The following SPIDR variants were observed in gnomAD, a reference collection of about 807,000 sequenced individuals.
The protein encoded by SPIDR is scaffold protein involved in DNA repair.
Under a neutral mutation model 104.6 loss-of-function variants are expected in SPIDR, and 93 were observed. The ratio of observed to expected loss-of-function variants is 0.89; its 90% CI spans 0.75 to 1.06. The LOEUF is 1.06. Ranked by LOEUF, SPIDR falls within the 50% of genes least tolerant of loss-of-function variation. The probability of loss-of-function intolerance (pLI) is 0.00; values close to 1 mark genes in which losing one functional copy is unlikely to be tolerated. For synonymous variants in SPIDR, 431 were observed against 416.9 expected (o/e 1.03, Z -0.41); for missense variants, 1,154 against 1,111.2 (o/e 1.04, Z -0.55).
At chr8:47,653,864 A>C in intron 10 of SPIDR, 1 of 634,346 alleles carries the variant, frequency 1.6e-6, no homozygotes, top group Non-Finnish European at 2.0e-6. Context: ...AAAGACAAAA[A>C]AAAAACAAAC....
Position 47,295,215 on chromosome 8 carries a change from G to A in SPIDR, c.525+1185G>A, listed in dbSNP as rs927490018. Among the ~76,000 whole-genome samples, 19 of 152,188 alleles carry A rather than the reference G, an allele frequency of 1.2e-4. No individual in the cohort carries two copies. In the East Asian group the frequency reaches 1.9e-3, roughly 15 times the overall value. ...TTCTTCTATATTTTGAACATACAGA[G>A]TATATTTATAATAGCTGTTTTTAAT... On this transcript the variant is annotated intron_variant, in intron 5 of 19. Transcript: ENST00000297423.
At chr8:47,593,663 G>A (rs2061319916) in intron 8 of SPIDR, among the ~76,000 whole-genome samples, 1 of 152,188 alleles carries the variant, frequency 6.6e-6, no homozygotes, top group Non-Finnish European at 1.5e-5. Flanking sequence ...GCTCTGGTAG[G>A]AGAAAGTGAG....
At chr8:47,660,961 T>G in intron 10 of SPIDR, 1 of 985,400 alleles carries the variant, frequency 1.0e-6, no homozygotes, top group Non-Finnish European at 1.2e-6. Flanking sequence ...ATGCAGGCAC[T>G]TAACTGGGTG....
intron 12 of SPIDR, 106 bp from the exon 13 acceptor site, chr8:47,701,615 C>A: frequency 8.9e-7 from 1 of 1,120,892 alleles, no homozygotes; most frequent in Non-Finnish European, 1.3e-6. Flanking sequence ...AGAGGATGCA[C>A]CTGTAAGCAA....
intron 10 of SPIDR, among the ~76,000 whole-genome samples, chr8:47,624,254 G>T (rs1297138911): frequency 4.6e-5 from 7 of 152,182 alleles, no homozygotes; most frequent in South Asian, 2.1e-4. Flanking sequence ...GAGGGAAATT[G>T]ATAGCACTAA....
intron 6 of SPIDR, among the ~76,000 whole-genome samples, chr8:47,405,592 G>A (rs1219230009): frequency 6.6e-6 from 1 of 152,020 alleles, no homozygotes; most frequent in Non-Finnish European, 1.5e-5. Context: ...ATTGATACCA[G>A]TCATCTTTTG....
intron 16 of SPIDR, among the ~76,000 whole-genome samples, chr8:47,720,045 A>T (rs936336226): frequency 6.6e-6 from 1 of 151,718 alleles, no homozygotes; most frequent in Non-Finnish European, 1.5e-5. Flanking sequence ...ACTGGCAGCC[A>T]CTCTTCTTTG....
At chr8:47,546,964 C>T (rs1351892806) in intron 8 of SPIDR, 5 of 494,360 alleles carry the variant, frequency 1.0e-5, no homozygotes, top group South Asian at 3.3e-5. Flanking sequence ...GCATCTTTCA[C>T]GTGAACCACA....
chr8:47,628,020 T>C (rs2066469285), intron 10 of SPIDR, among the ~76,000 whole-genome samples: 1 of 152,220 alleles, frequency 6.6e-6, no homozygotes, highest in African/African-American at 2.4e-5. Context: ...TTACATGAAC[T>C]CACTCATTCT....
chr8:47,406,019 T>C (rs2062706623), intron 6 of SPIDR, among the ~76,000 whole-genome samples: 1 of 152,072 alleles, frequency 6.6e-6, no homozygotes, highest in Non-Finnish European at 1.5e-5. Context: ...TTTCATCCTG[T>C]AATCTGCACA....
At chr8:47,345,294 A>C (rs2051697997) in intron 5 of SPIDR, among the ~76,000 whole-genome samples, 2 of 152,184 alleles carry the variant, frequency 1.3e-5, no homozygotes, top group South Asian at 4.2e-4. Context: ...ATTATTTCTG[A>C]GGGCTCTGTT....
At chr8:47,273,707 C>T (rs1274457301) in intron 1 of SPIDR, among the ~76,000 whole-genome samples, 19 of 151,944 alleles carry the variant, frequency 1.3e-4, no homozygotes, top group African/African-American at 4.6e-4. Flanking sequence ...TATCCTCCTA[C>T]CGCAGCCTCC....
At chr8:47,391,399 G>T (rs147562066) in intron 5 of SPIDR, among the ~76,000 whole-genome samples, 1 of 151,892 alleles carries the variant, frequency 6.6e-6, no homozygotes, top group Non-Finnish European at 1.5e-5. Flanking sequence ...AAATAGCCAG[G>T]TATGGTGGCA....
chr8:47,696,874 A>C (rs2079403274), intron 11 of SPIDR, among the ~76,000 whole-genome samples: 2 of 152,228 alleles, frequency 1.3e-5, no homozygotes, highest in African/African-American at 4.8e-5. Context: ...TGTCCTTTCT[A>C]TCCCCAAGTC....
At chr8:47,482,780 T>G (rs1554728048) in intron 8 of SPIDR, among the ~76,000 whole-genome samples, 1 of 152,172 alleles carries the variant, frequency 6.6e-6, no homozygotes, top group East Asian at 1.9e-4. Flanking sequence ...TATTGTGGGT[T>G]TGATGCCCCC....
At chr8:47,296,071 T>C (rs1452642622) in intron 5 of SPIDR, among the ~76,000 whole-genome samples, 11 of 152,182 alleles carry the variant, frequency 7.2e-5, no homozygotes, top group Admixed American at 7.2e-4. Context: ...CTGTTGGCCA[T>C]TTGTACATCT....
intron 10 of SPIDR, chr8:47,654,232 C>T: frequency 8.0e-7 from 1 of 1,244,688 alleles, no homozygotes; most frequent in South Asian, 1.2e-5. Context: ...AAGGAAAGAA[C>T]AGGGTTTAAG....
chr8:47,675,741 A>T (rs2076352542), intron 11 of SPIDR, among the ~76,000 whole-genome samples: 1 of 152,224 alleles, frequency 6.6e-6, no homozygotes, highest in African/African-American at 2.4e-5. Flanking sequence ...TGAAACCTCG[A>T]GGCAGAGGTT....
At chr8:47,598,829 G>A (rs753498478) in intron 9 of SPIDR, 117 bp from the exon 10 acceptor site, 4 of 1,309,304 alleles carry the variant, frequency 3.1e-6, no homozygotes, top group Non-Finnish European at 4.2e-6. Flanking sequence ...GTGTAGTGCA[G>A]ATCCATTGGG....
Sources: allele counts gnomAD v4.1 joint callset (sites outside exome capture counted in the v4.1 genomes callset), GRCh38; gene constraint gnomAD v4.1.1; transcripts MANE v1.5; gene names NCBI Gene and HGNC (gene_info 2026-07-23, HGNC 2026-07-21).